PCDH15: variants seen among roughly 807,000 people sequenced by gnomAD.
PCDH15 encodes protocadherin-15.
Under a neutral mutation model 178.5 loss-of-function variants are expected in PCDH15, and 129 were observed. The ratio of observed to expected loss-of-function variants is 0.72; its 90% CI spans 0.63 to 0.84. The LOEUF is 0.84. Among genes scored for constraint, PCDH15 ranks in the 40% least tolerant of loss-of-function variants. PCDH15 has a pLI of 0.00. For synonymous variants in PCDH15, 800 were observed against 732.0 expected, an observed-to-expected ratio of 1.09 and a Z score of -1.50; for missense variants, 2,230 against 2,099.9, an observed-to-expected ratio of 1.06 and a Z score of -1.21.
intron 1 of PCDH15, among the ~76,000 whole-genome samples, chr10:54,700,226 G>A (rs1446964124): frequency 6.6e-6 from 1 of 152,064 alleles, no homozygotes; most frequent in Non-Finnish European, 1.5e-5. Flanking sequence ...CCAAAGGGCA[G>A]CAACTTCCAA....
chr10:54,079,329 AC>A lies in PCDH15; in HGVS notation c.2091+1del. On this transcript the variant is annotated splice_donor_variant, in intron 17 of 37. Transcript: ENST00000644397. LOFTEE classifies it high-confidence loss of function. ...AAACCCCTTCACAGGGAGCATACTC[AC>A]CCCATCTGGCCTGCCATCTGAAGCT... 6.2e-7 allele frequency: 1 copy of A among 1,613,718 alleles called. No homozygotes were observed. Among genetic ancestry groups the A allele is most frequent in the Admixed American group, 1.7e-5 (1 of 60,010 alleles).
At chr10:54,141,468 T>C (rs1251109201) in intron 14 of PCDH15, among the ~76,000 whole-genome samples, 2 of 152,212 alleles carry the variant, frequency 1.3e-5, no homozygotes, top group Admixed American at 1.3e-4. Context: ...ATGATGTTTA[T>C]TTCCAATGTA....
chr10:53,894,648 C>T (rs1456053331), intron 26 of PCDH15, among the ~76,000 whole-genome samples: 1 of 152,160 alleles, frequency 6.6e-6, no homozygotes, highest in East Asian at 1.9e-4. Context: ...ATTTTGATTT[C>T]AGAACTAAGT....
chr10:54,572,391 T>G (rs894931045), intron 2 of PCDH15, among the ~76,000 whole-genome samples: 8 of 152,046 alleles, frequency 5.3e-5, no homozygotes, highest in African/African-American at 1.9e-4. Context: ...TGAGTTTGCC[T>G]TCTAGAAACA....
At chr10:54,386,001 T>C (rs1459232004) in intron 3 of PCDH15, among the ~76,000 whole-genome samples, 1 of 152,160 alleles carries the variant, frequency 6.6e-6, no homozygotes, top group African/African-American at 2.4e-5. Context: ...ACTATTCTCT[T>C]AATGTCTTTT....
chr10:55,232,150 T>G (rs1022351430), intron 1 of PCDH15, among the ~76,000 whole-genome samples: 17 of 151,988 alleles, frequency 1.1e-4, no homozygotes, highest in Non-Finnish European at 2.5e-4. Flanking sequence ...TTGTTGAATT[T>G]TAGATATGTG....
chr10:54,175,394 C>A (rs2047339922), intron 13 of PCDH15, among the ~76,000 whole-genome samples: 1 of 152,132 alleles, frequency 6.6e-6, no homozygotes, highest in African/African-American at 2.4e-5. Context: ...CTCCACAGAG[C>A]ACTAAATAAC....
chr10:55,270,292 C>G (rs554542431), intron 1 of PCDH15, among the ~76,000 whole-genome samples: 2 of 152,072 alleles, frequency 1.3e-5, no homozygotes, highest in South Asian at 2.1e-4. Context: ...ACAATGAGAC[C>G]TAATTAAACT....
intron 8 of PCDH15, among the ~76,000 whole-genome samples, chr10:54,309,556 G>T (rs990541239): frequency 1.3e-5 from 2 of 152,092 alleles, no homozygotes; most frequent in African/African-American, 4.8e-5. Context: ...AACTTTGGGA[G>T]GCCAAGGCAG....
At chr10:55,493,256 T>C (rs1383739137) in intron 2 of PCDH15, among the ~76,000 whole-genome samples, 2 of 141,096 alleles carry the variant, frequency 1.4e-5, no homozygotes, top group Non-Finnish European at 3.1e-5. Flanking sequence ...GTCATATTGT[T>C]AAAAAAAAAA....
intron 3 of PCDH15, among the ~76,000 whole-genome samples, chr10:54,477,598 T>A (rs1030361271): frequency 6.6e-6 from 1 of 152,202 alleles, no homozygotes; most frequent in Non-Finnish European, 1.5e-5. Flanking sequence ...ATTTTTTAAC[T>A]TTTATTTTTT....
At chr10:55,544,564 T>G (rs190238455) in intron 2 of PCDH15, among the ~76,000 whole-genome samples, 2 of 152,320 alleles carry the variant, frequency 1.3e-5, no homozygotes, top group Admixed American at 1.3e-4. Context: ...GTTTATTTTT[T>G]CCTTACTGTT....
At chr10:53,949,645 T>C (rs1386588701) in intron 23 of PCDH15, among the ~76,000 whole-genome samples, 1 of 152,068 alleles carries the variant, frequency 6.6e-6, no homozygotes, top group African/African-American at 2.4e-5. Context: ...GGCTGAGGGC[T>C]GAGATGGAAG....
chr10:55,022,795 C>G (rs961904918), intron 2 of PCDH15, among the ~76,000 whole-genome samples: 3 of 150,726 alleles, frequency 2.0e-5, no homozygotes, highest in African/African-American at 7.3e-5. Flanking sequence ...ACTGCAAGCT[C>G]CGCCTCCCGC....
chr10:54,281,672 G>A (rs1328534138), intron 8 of PCDH15, among the ~76,000 whole-genome samples: 1 of 151,924 alleles, frequency 6.6e-6, no homozygotes, highest in Non-Finnish European at 1.5e-5. Context: ...ATTTAGTGCA[G>A]TATTTGAAAA....
chr10:55,520,640 T>G (rs1216926502), intron 2 of PCDH15, among the ~76,000 whole-genome samples: 1 of 151,242 alleles, frequency 6.6e-6, no homozygotes, highest in Non-Finnish European at 1.5e-5. Flanking sequence ...TTCTCCATAG[T>G]ATAATGTTAA....
chr10:54,595,469 T>C (rs185812306), intron 2 of PCDH15, among the ~76,000 whole-genome samples: 31 of 152,162 alleles, frequency 2.0e-4, no homozygotes, highest in Middle Eastern at 3.4e-3. Flanking sequence ...ACTTCAAAGA[T>C]TGAAGGAACA....
At position 54,236,648 on chromosome 10, in the gene PCDH15, A is replaced by T. The variant is rs7915391; in HGVS notation, c.985+175T>A. 0.75 allele frequency among the ~76,000 whole-genome samples: 113,774 copies of T among 152,076 alleles called. 43,792 individuals carry two copies. The highest frequency in any genetic ancestry group is 0.84 in the African/African-American group (34,792 of 41,512). On this transcript the variant is annotated intron_variant, in intron 9 of 37. Transcript: ENST00000644397. Reference sequence around the variant, plus strand: ...ATCATTCTACACATTTCAGTCCAACAAATTGAGGAAGCAAATATCTTGAAT... The same window carrying T: ...ATCATTCTACACATTTCAGTCCAACTAATTGAGGAAGCAAATATCTTGAAT...
intron 2 of PCDH15, among the ~76,000 whole-genome samples, chr10:55,543,963 T>C (rs1841819390): frequency 6.6e-6 from 1 of 150,976 alleles, no homozygotes; most frequent in South Asian, 2.1e-4. Flanking sequence ...TATTCATTTG[T>C]TTGAGAATTT....
Sources: gnomAD v4.1 joint callset for allele counts (sites outside exome capture counted in the v4.1 genomes callset) on GRCh38, gnomAD v4.1.1 for gene constraint, MANE v1.5 for transcripts, NCBI Gene and HGNC (gene_info 2026-07-23, HGNC 2026-07-21) for gene names.